TMC1: variants seen among roughly 807,000 people sequenced by gnomAD.
TMC1 encodes the protein transmembrane channel like 1.
In TMC1, 84 loss-of-function variants were observed where a neutral mutation model predicts 105.8. That is an observed-to-expected ratio of 0.79 (90% CI 0.67 to 0.95). TMC1 has a LOEUF of 0.95. Ranked by LOEUF, TMC1 falls within the 40% of genes least tolerant of loss-of-function variation. The probability of loss-of-function intolerance (pLI) is 0.00; values close to 1 mark genes in which losing one functional copy is unlikely to be tolerated. For missense variants in TMC1, 817 were observed against 914.1 expected, an observed-to-expected ratio of 0.89 and a Z score of 1.37; for synonymous variants, 315 against 311.5, an observed-to-expected ratio of 1.01 and a Z score of -0.12.
At chr9:72,539,284 T>C (rs7032594) in intron 1 of TMC1, among the ~76,000 whole-genome samples, 79,326 of 151,358 alleles carry the variant, frequency 0.52, 21,739 homozygotes, top group African/African-American at 0.69. Context: ...CATGTGCTTG[T>C]AGTCCCAGTT....
intron 3 of TMC1, among the ~76,000 whole-genome samples, chr9:72,622,857 C>T (rs977095903): frequency 2.6e-5 from 4 of 151,770 alleles, no homozygotes; most frequent in African/African-American, 9.7e-5. Context: ...TTAAGACCAG[C>T]CTGGCCAATG....
At chr9:72,797,385 A>C (rs1036236170) in intron 17 of TMC1, among the ~76,000 whole-genome samples, 1 of 152,136 alleles carries the variant, frequency 6.6e-6, no homozygotes. Context: ...ATTCCTATGG[A>C]ACCAAAAAAG....
intron 8 of TMC1, among the ~76,000 whole-genome samples, chr9:72,737,962 A>C (rs1188040547): frequency 2.6e-5 from 4 of 152,236 alleles, no homozygotes; most frequent in Admixed American, 6.5e-5. Context: ...GATTAATGAT[A>C]AAGGGTGCAA....
At chr9:72,598,297 C>T (rs1824751940) in intron 2 of TMC1, among the ~76,000 whole-genome samples, 1 of 152,168 alleles carries the variant, frequency 6.6e-6, no homozygotes, top group Non-Finnish European at 1.5e-5. Context: ...CTTGGGGTCT[C>T]ATCCCTCCCT....
chr9:72,595,871 T>TC (rs1215172215), intron 2 of TMC1, among the ~76,000 whole-genome samples: 1 of 147,234 alleles, frequency 6.8e-6, no homozygotes, highest in East Asian at 2.0e-4. Flanking sequence ...AGATGGGGTT[T>TC]CTTTTTTTTT....
At chr9:72,602,140 G>A (rs1824826028) in intron 2 of TMC1, among the ~76,000 whole-genome samples, 1 of 152,126 alleles carries the variant, frequency 6.6e-6, no homozygotes, top group Admixed American at 6.6e-5. Flanking sequence ...GATTTCAGAT[G>A]TTTGGATTAA....
At chr9:72,789,817 T>A (rs991779259) in intron 15 of TMC1, among the ~76,000 whole-genome samples, 2 of 152,184 alleles carry the variant, frequency 1.3e-5, no homozygotes, top group Admixed American at 1.3e-4. Context: ...CTCAGATTGC[T>A]TCTCCACCTT....
chr9:72,559,765 C>G (rs1475086479), intron 1 of TMC1, among the ~76,000 whole-genome samples: 1 of 152,058 alleles, frequency 6.6e-6, no homozygotes, highest in Non-Finnish European at 1.5e-5. Context: ...AAACCACTCA[C>G]CATGATCGTG....
At chr9:72,550,242 C>T (rs919000960) in intron 1 of TMC1, among the ~76,000 whole-genome samples, 5 of 151,354 alleles carry the variant, frequency 3.3e-5, no homozygotes, top group African/African-American at 7.3e-5. Context: ...CCGAGGCAGG[C>T]GGATCATTTG....
At chr9:72,742,367 A>G (rs1287319707) in intron 9 of TMC1, 77 bp from the exon 10 acceptor site, 4 of 1,112,210 alleles carry the variant, frequency 3.6e-6, no homozygotes, top group East Asian at 4.8e-5. Flanking sequence ...CTGCATTGTA[A>G]TGTTTTGAGG....
At chr9:72,609,717 T>C (rs550788857) in intron 2 of TMC1, among the ~76,000 whole-genome samples, 19 of 152,362 alleles carry the variant, frequency 1.2e-4, no homozygotes, top group African/African-American at 3.6e-4. Context: ...AAATCATGAC[T>C]AGCTGTTGCT....
intron 19 of TMC1, among the ~76,000 whole-genome samples, chr9:72,818,334 T>C (rs1205759165): frequency 1.3e-5 from 2 of 152,220 alleles, no homozygotes; most frequent in Admixed American, 1.3e-4. Flanking sequence ...ATAAAATCCA[T>C]TTTGCTATGA....
chr9:72,650,571 T>G (rs2132151690), intron 5 of TMC1, among the ~76,000 whole-genome samples: 1 of 152,016 alleles, frequency 6.6e-6, no homozygotes, highest in South Asian at 2.1e-4. Context: ...GTCACAGGGG[T>G]TTGTTGTGCA....
chr9:72,652,445 T>G (rs11143365), intron 5 of TMC1, among the ~76,000 whole-genome samples: 7,775 of 152,104 alleles, frequency 0.051, 239 homozygotes, highest in Non-Finnish European at 0.062. Flanking sequence ...CTGAACAACT[T>G]CAGCATTTAG....
intron 13 of TMC1, among the ~76,000 whole-genome samples, chr9:72,783,392 G>C (rs981700618): frequency 2.0e-5 from 3 of 152,158 alleles, no homozygotes; most frequent in Non-Finnish European, 4.4e-5. Context: ...GAAGAACCTG[G>C]AGTCTGATAT....
intron 2 of TMC1, among the ~76,000 whole-genome samples, chr9:72,590,022 T>C (rs888519129): frequency 6.6e-6 from 1 of 152,190 alleles, no homozygotes; most frequent in African/African-American, 2.4e-5. Context: ...TATCTTGTGA[T>C]CTCTGTCCCA....
Position 72,766,569 on chromosome 9 carries a change from GA to G in TMC1, c.742-5842del, listed in dbSNP as rs1194179319. On this transcript the variant is annotated intron_variant, in intron 12 of 23. Transcript: ENST00000297784. ...AACTTGTAGCCAGAGCAAGAAAGTGGAAGTGGGGCAGCAGCCATGTCCCCTG... is the reference window on the plus strand; with the variant it reads ...AACTTGTAGCCAGAGCAAGAAAGTGGAGTGGGGCAGCAGCCATGTCCCCTG... Among the ~76,000 whole-genome samples the G allele has an allele frequency of 2.0e-5, 3 of 152,304 alleles. No homozygotes were observed. The East Asian group carries it at 5.8e-4, about 29-fold the overall frequency.
chr9:72,737,419 T>C (rs1827318482), intron 8 of TMC1, among the ~76,000 whole-genome samples: 1 of 152,228 alleles, frequency 6.6e-6, no homozygotes, highest in Non-Finnish European at 1.5e-5. Context: ...TGCGATTGCC[T>C]GACCATTTGT....
intron 1 of TMC1, among the ~76,000 whole-genome samples, chr9:72,533,878 A>G (rs1410333495): frequency 6.6e-6 from 1 of 152,138 alleles, no homozygotes; most frequent in African/African-American, 2.4e-5. Flanking sequence ...CACGCTTGTA[A>G]TCCCAGCACT....
Sources: gnomAD v4.1 joint callset for allele counts (sites outside exome capture counted in the v4.1 genomes callset) on GRCh38, gnomAD v4.1.1 for gene constraint, MANE v1.5 for transcripts, NCBI Gene and HGNC (gene_info 2026-07-23, HGNC 2026-07-21) for gene names.